The following GRIN3A variants were observed in gnomAD, a reference collection of about 807,000 sequenced individuals.
GRIN3A encodes the protein glutamate ionotropic receptor NMDA type subunit 3A.
In GRIN3A, 47 loss-of-function variants were observed where a neutral mutation model predicts 92.4. The observed-to-expected ratio is 0.51, with a 90% CI of 0.40 to 0.65. The LOEUF (loss-of-function observed/expected upper bound fraction) is 0.65, where lower values mean the gene tolerates loss of function less well. Among genes scored for constraint, GRIN3A ranks in the 30% least tolerant of loss-of-function variants. GRIN3A has a pLI of 0.00. For missense variants in GRIN3A, 1,324 were observed against 1,393.1 expected, an observed-to-expected ratio of 0.95 and a Z score of 0.79; for synonymous variants, 527 against 540.6, an observed-to-expected ratio of 0.97 and a Z score of 0.35.
chr9:101,667,183 A>T (rs539274936), intron 3 of GRIN3A, among the ~76,000 whole-genome samples: 1 of 152,076 alleles, frequency 6.6e-6, no homozygotes, highest in East Asian at 2.0e-4. Context: ...TATACTTTAT[A>T]CTATATACCT....
chr9:101,633,204 C>A (rs1277324707), intron 3 of GRIN3A, among the ~76,000 whole-genome samples: 2 of 152,196 alleles, frequency 1.3e-5, no homozygotes, highest in African/African-American at 2.4e-5. Flanking sequence ...TGAGTATACT[C>A]ATTTAAGGTC....
chr9:101,633,526 G>T (rs1262867584), intron 3 of GRIN3A, among the ~76,000 whole-genome samples: 2 of 152,158 alleles, frequency 1.3e-5, no homozygotes, highest in Non-Finnish European at 2.9e-5. Flanking sequence ...GACAGGTAAT[G>T]GTCCGTGGTC....
At chr9:101,622,522 A>G (rs149940814) in intron 5 of GRIN3A, among the ~76,000 whole-genome samples, 3 of 152,292 alleles carry the variant, frequency 2.0e-5, no homozygotes, top group African/African-American at 4.8e-5. Context: ...CTGAAGTTTG[A>G]TTGATTGGGA....
At chr9:101,705,152 C>T (rs1226801940) in intron 1 of GRIN3A, among the ~76,000 whole-genome samples, 1 of 152,126 alleles carries the variant, frequency 6.6e-6, no homozygotes, top group Non-Finnish European at 1.5e-5. Flanking sequence ...TCCAAGACCA[C>T]TCTAGCCTAC....
At chr9:101,645,423 G>A (rs1729065484) in intron 3 of GRIN3A, among the ~76,000 whole-genome samples, 2 of 151,536 alleles carry the variant, frequency 1.3e-5, no homozygotes, top group Admixed American at 1.3e-4. Flanking sequence ...ACATATCTTT[G>A]CTATTGTGAA....
At chr9:101,583,962 T>C (rs1293809748) in intron 6 of GRIN3A, among the ~76,000 whole-genome samples, 1 of 152,182 alleles carries the variant, frequency 6.6e-6, no homozygotes, top group Non-Finnish European at 1.5e-5. Flanking sequence ...GTTCAAGCAA[T>C]TCTCATGCCT....
rs1445667024 is a variant in GRIN3A, at chr9:101,737,700, C to T, written c.280G>A (p.Gly94Ser). 1 of 1,542,536 alleles carries T rather than the reference C, an allele frequency of 6.5e-7. No individual in the cohort carries two copies. The highest frequency in any genetic ancestry group is 8.7e-7 in the Non-Finnish European group (1 of 1,149,838). ...GTRRSPAPSPGARWLGSTLHG... is the reference protein window; with the variant it reads ...GTRRSPAPSPSARWLGSTLHG... The stretch of plus-strand genomic sequence containing the variant: ...AGGGTGCTCCCCAACCAGCGTGCGC[C>T]CGGCGAGGGCGCCGGGGACCGCCTA... Residue 94 changes from glycine (G) to serine (S), a missense_variant, in exon 1 of 9, where the codon GGC (glycine) becomes AGC (serine). Gly to Ser is a moderately conservative substitution (Grantham distance 56). Coordinates refer to ENST00000361820, the MANE Select transcript of GRIN3A (RefSeq NM_133445.3).
chr9:101,601,405 G>A (rs1426239495), intron 6 of GRIN3A, among the ~76,000 whole-genome samples: 1 of 152,190 alleles, frequency 6.6e-6, no homozygotes, highest in Non-Finnish European at 1.5e-5. Flanking sequence ...CCAGTATCTG[G>A]GAGAGCAGCT....
chr9:101,616,575 G>A (rs138730700), intron 5 of GRIN3A, among the ~76,000 whole-genome samples: 281 of 151,658 alleles, frequency 1.9e-3, no homozygotes, highest in Middle Eastern at 6.8e-3. Context: ...TTTTTTATGC[G>A]TTATTTCATC....
intron 6 of GRIN3A, among the ~76,000 whole-genome samples, chr9:101,590,502 C>T (rs1368903636): frequency 3.9e-5 from 6 of 152,188 alleles, no homozygotes; most frequent in Admixed American, 3.3e-4. Flanking sequence ...CTGCCTCAGC[C>T]TTCCGAGTAG....
intron 1 of GRIN3A, among the ~76,000 whole-genome samples, chr9:101,699,503 TG>T (rs1479535663): frequency 6.6e-6 from 1 of 152,268 alleles, no homozygotes; most frequent in Non-Finnish European, 1.5e-5. Context: ...GGTCCATGAA[TG>T]TTATGCAGCA....
At chr9:101,659,241 G>A (rs911325765) in intron 3 of GRIN3A, among the ~76,000 whole-genome samples, 1 of 151,548 alleles carries the variant, frequency 6.6e-6, no homozygotes, top group African/African-American at 2.4e-5. Flanking sequence ...TGTGAACACA[G>A]AGTTAATAGA....
chr9:101,654,946 C>G, intron 3 of GRIN3A, among the ~76,000 whole-genome samples: 1 of 151,696 alleles, frequency 6.6e-6, no homozygotes, highest in Middle Eastern at 3.4e-3. Flanking sequence ...AGACAAAATA[C>G]ATATGGTGAC....
At chr9:101,688,031 C>T (rs1829560997) in intron 1 of GRIN3A, among the ~76,000 whole-genome samples, 1 of 152,198 alleles carries the variant, frequency 6.6e-6, no homozygotes, top group Non-Finnish European at 1.5e-5. Flanking sequence ...AAGCATCTGA[C>T]ATCCTGACAA....
intron 1 of GRIN3A, among the ~76,000 whole-genome samples, chr9:101,727,816 T>G (rs1244433920): frequency 6.6e-6 from 1 of 150,460 alleles, no homozygotes; most frequent in Non-Finnish European, 1.5e-5. Flanking sequence ...AGCCTAAAGC[T>G]GTATTTTGGA....
chr9:101,587,309 CAAAAA>C (rs113147915), intron 6 of GRIN3A, among the ~76,000 whole-genome samples: 1 of 99,780 alleles, frequency 1.0e-5, no homozygotes, highest in African/African-American at 3.5e-5. Flanking sequence ...GACTCCATCT[CAAAAA>C]AAAAAAAAAA....
intron 6 of GRIN3A, among the ~76,000 whole-genome samples, chr9:101,595,704 T>C (rs1284774906): frequency 6.6e-6 from 1 of 152,164 alleles, no homozygotes; most frequent in Non-Finnish European, 1.5e-5. Flanking sequence ...TAAACAATGC[T>C]GAATTCAGGG....
Position 101,737,847 on chromosome 9 carries a change from C to G in GRIN3A, c.133G>C (p.Gly45Arg). 4 of 1,533,340 alleles carry G rather than the reference C, an allele frequency of 2.6e-6. No individual in the cohort carries two copies. The highest frequency in any genetic ancestry group is 2.6e-6 in the Non-Finnish European group (3 of 1,146,130). The allele number at this position is 1,533,340 out of a possible 1,614,324, so 95.0% of individuals were successfully genotyped here. ...PQPCQILKRIGHAVRVGAVHL... is the reference protein window; with the variant it reads ...PQPCQILKRIRHAVRVGAVHL... The stretch of plus-strand genomic sequence containing the variant: ...ACCGCGCCCACCCTCACCGCGTGCC[C>G]GATGCGCTTGAGGATCTGGCAGGGC... The change falls in exon 1 of 9, where the codon GGG becomes CGG. Residue 45 changes from glycine (G) to arginine (R), a missense_variant. By Grantham distance (125) the Gly-to-Arg change is moderately radical (BLOSUM62 -2). Coordinates refer to ENST00000361820, the MANE Select transcript of GRIN3A (RefSeq NM_133445.3).
chr9:101,687,576 T>G (rs1564144759), intron 1 of GRIN3A, among the ~76,000 whole-genome samples: 1 of 152,208 alleles, frequency 6.6e-6, no homozygotes, highest in African/African-American at 2.4e-5. Flanking sequence ...AACTTTGATC[T>G]CATACGCAAT....
Sources: gnomAD v4.1 joint callset for allele counts (sites outside exome capture counted in the v4.1 genomes callset) on GRCh38, gnomAD v4.1.1 for gene constraint, MANE v1.5 for transcripts, NCBI Gene and HGNC (gene_info 2026-07-23, HGNC 2026-07-21) for gene names.